The following KNDC1 variants were observed in gnomAD, a reference collection of about 807,000 sequenced individuals.
KNDC1 encodes the protein kinase non-catalytic C-lobe domain containing 1, also known as kinase non-catalytic C-lobe domain-containing protein 1.
Under a neutral mutation model 172.8 loss-of-function variants are expected in KNDC1, and 106 were observed. The ratio of observed to expected loss-of-function variants is 0.61; its 90% CI spans 0.52 to 0.72. The LOEUF (loss-of-function observed/expected upper bound fraction) is 0.72, where lower values mean the gene tolerates loss of function less well. KNDC1 is among the 30% of genes least tolerant of loss of function. The probability of loss-of-function intolerance (pLI) is 0.00; values close to 1 mark genes in which losing one functional copy is unlikely to be tolerated. For missense variants in KNDC1, 2,325 were observed against 2,394.5 expected (o/e 0.97, Z 0.61); for synonymous variants, 1,083 against 1,062.2 (o/e 1.02, Z -0.38).
chr10:133,168,318 T>G lies in KNDC1; in HGVS notation c.360+6T>G. 6.2e-7 allele frequency: 1 copy of G among 1,613,894 alleles called. No homozygotes were observed. The highest frequency in any genetic ancestry group is 8.5e-7 in the Non-Finnish European group (1 of 1,179,776). On this transcript the variant is annotated splice_donor_region_variant and intron_variant, in intron 3 of 29. Transcript: ENST00000304613. Reference sequence around the variant, plus strand: ...TGACCGGGAACACCTTTGAGGTAAGTGCAGGTGGGGGTAATGTGCCACACC... The same window carrying G: ...TGACCGGGAACACCTTTGAGGTAAGGGCAGGTGGGGGTAATGTGCCACACC...
chr10:133,183,790 A>T, intron 4 of KNDC1, 82 bp from the exon 5 acceptor site: 1 of 1,140,590 alleles, frequency 8.8e-7, no homozygotes, highest in Non-Finnish European at 1.2e-6. Flanking sequence ...TCACCTTCAA[A>T]GGATCCGGCC....
chr10:133,206,722 A>G lies in KNDC1; in HGVS notation c.3425A>G (p.Tyr1142Cys), dbSNP rs1477220377. The G allele has an allele frequency of 6.2e-7, 1 of 1,613,946 alleles. No homozygotes were observed. The highest frequency in any genetic ancestry group is 8.5e-7 in the Non-Finnish European group (1 of 1,180,034). ...EQQLMMEKRN[Y>C]RKTLKFYQKL... ...CAGCTCATGATGGAGAAAAGAAACT[A>G]CCGCAAGACCCTGAAGTTCTACCAG... Residue 1142 changes from tyrosine (Y) to cysteine (C), a missense_variant, in exon 18 of 30, where the codon TAC becomes TGC. Coordinates refer to ENST00000304613, the MANE Select transcript of KNDC1 (RefSeq NM_152643.8).
intron 26 of KNDC1, 73 bp from the exon 27 acceptor site, chr10:133,218,758 T>C (rs1350223157): frequency 6.5e-7 from 1 of 1,550,242 alleles, no homozygotes; most frequent in East Asian, 2.3e-5. Context: ...TGGGTGATTT[T>C]AACAGGTTCT....
chr10:133,183,112 C>T (rs1023571386), intron 3 of KNDC1, among the ~76,000 whole-genome samples: 24 of 144,052 alleles, frequency 1.7e-4, no homozygotes, highest in Non-Finnish European at 2.7e-4. Context: ...GCGGCAGGGG[C>T]GGCAAAAGTG....
In KNDC1 at chr10:133,188,614, G is replaced by A; in HGVS notation, c.1402G>A (p.Ala468Thr). 6.3e-7 allele frequency: 1 copy of A among 1,597,614 alleles called. No homozygotes were observed. The stretch of plus-strand genomic sequence containing the variant: ...GTACGAGCTGTGGGCCCTGTGCCTG[G>A]CCTGCCTCCGCGCACTGCAGACACG... ...REYELWALCL[A>T]CLRALQTRPE... Residue 468 changes from alanine to threonine, a missense_variant, in exon 7 of 30, where the codon GCC becomes ACC. By Grantham distance (58) the Ala-to-Thr change is moderately conservative (BLOSUM62 0). Transcript: ENST00000304613.
intron 26 of KNDC1, among the ~76,000 whole-genome samples, chr10:133,217,783 C>T (rs1445894877): frequency 1.3e-5 from 2 of 151,720 alleles, no homozygotes; most frequent in African/African-American, 4.8e-5. Flanking sequence ...ATGGTGAAAC[C>T]TCATCTCCAC....
chr10:133,189,492 G>A, intron 7 of KNDC1, 106 bp from the exon 8 acceptor site: 2 of 1,086,512 alleles, frequency 1.8e-6, no homozygotes, highest in Non-Finnish European at 2.7e-6. Context: ...CAATGGGGAG[G>A]CTGGGGGGCT....
At chr10:133,212,992 G>A (rs1845402479) in intron 24 of KNDC1, 70 bp downstream of exon 24, 2 of 1,367,590 alleles carry the variant, frequency 1.5e-6, no homozygotes, top group Admixed American at 2.1e-5. Context: ...CGCGCCCATA[G>A]GGCCCTCAGC....
chr10:133,167,333 C>T (rs1410355673), intron 1 of KNDC1, 48 bp from the exon 2 acceptor site: 3 of 1,506,940 alleles, frequency 2.0e-6, no homozygotes, highest in Non-Finnish European at 2.7e-6. Flanking sequence ...GGTGCCGGGG[C>T]CTGGCTGGGG....
intron 20 of KNDC1, among the ~76,000 whole-genome samples, chr10:133,207,666 G>A (rs1396128724): frequency 6.6e-6 from 1 of 152,236 alleles, no homozygotes; most frequent in Non-Finnish European, 1.5e-5. Context: ...CGCACAGGCA[G>A]CTCGGCGATG....
intron 17 of KNDC1, among the ~76,000 whole-genome samples, chr10:133,203,926 C>T (rs1470702900): frequency 2.0e-5 from 3 of 152,250 alleles, no homozygotes; most frequent in Non-Finnish European, 2.9e-5. Flanking sequence ...GAGGAGTCTG[C>T]GTGAGCTGCA....
chr10:133,219,141 C>G (rs763609235), intron 28 of KNDC1, 51 bp downstream of exon 28: 3 of 1,580,418 alleles, frequency 1.9e-6, no homozygotes, highest in Non-Finnish European at 2.6e-6. Context: ...AGGCCCTCTC[C>G]TAAACGAACT....
Position 133,212,750 on chromosome 10 carries a change from T to C in KNDC1, c.4271T>C (p.Leu1424Pro), listed in dbSNP as rs756569129. 5.6e-6 allele frequency: 9 copies of C among 1,613,418 alleles called. No homozygotes were observed. In the Admixed American group the frequency reaches 1.5e-4, roughly 27 times the overall value. Residue 1424 changes from leucine (L) to proline (P), a missense_variant, in exon 24 of 30, where the codon CTG becomes CCG. Coordinates refer to ENST00000304613, the MANE Select transcript of KNDC1 (RefSeq NM_152643.8). Reference sequence around the variant, plus strand: ...TGGAGGCTGCCCCGAGGCAACGGGCTGGTGCTGCCGCCACACAAGGAGCGC... The same window carrying C: ...TGGAGGCTGCCCCGAGGCAACGGGCCGGTGCTGCCGCCACACAAGGAGCGC... The part of the protein sequence containing the change: ...FPWRLPRGNG[L>P]VLPPHKERPY...
Position 133,160,510 on chromosome 10 carries a change from G to A in KNDC1, c.43G>A (p.Asp15Asn). Residue 15 changes from aspartate (D) to asparagine (N), a missense_variant, in exon 1 of 30, where the codon GAC becomes AAC. Asp to Asn is a conservative substitution (Grantham distance 23, BLOSUM62 1). Transcript: ENST00000304613. ...DPAAADLYEE[D>N]GKDLDFYDFE... ...GGCCGCGGCGGATCTTTACGAGGAG[G>A]ACGGCAAAGACCTGGACTTCTACGA... is the stretch of plus-strand genomic sequence containing the variant. 6.3e-7 allele frequency: 1 copy of A among 1,591,696 alleles called. No homozygotes were observed. Among genetic ancestry groups the A allele is most frequent in the Non-Finnish European group, 8.5e-7 (1 of 1,170,896 alleles).
chr10:133,216,727 C>T (rs1421852579), intron 26 of KNDC1, among the ~76,000 whole-genome samples: 1 of 152,226 alleles, frequency 6.6e-6, no homozygotes, highest in Admixed American at 6.5e-5. Context: ...GCTTTGGTTT[C>T]TTTAGATTTG....
At position 133,220,033 on chromosome 10, in the gene KNDC1, C is replaced by T; in HGVS notation, c.4939C>T (p.Leu1647Phe). The change falls in exon 29 of 30, where the codon CTC becomes TTC. Residue 1647 changes from leucine to phenylalanine, a missense_variant. By Grantham distance (22) the Leu-to-Phe change is conservative. Coordinates refer to ENST00000304613, the MANE Select transcript of KNDC1 (RefSeq NM_152643.8). ...RAQPTLPSAHLLAMHIQQLET... is the reference protein window; with the variant it reads ...RAQPTLPSAHFLAMHIQQLET... ...GCAGCCCACCCTGCCCTCGGCCCAC[C>T]TCCTGGCCATGCACATCCAGCAGCT... 6.4e-7 allele frequency: 1 copy of T among 1,557,408 alleles called. No homozygotes were observed.
At position 133,200,377 on chromosome 10, in the gene KNDC1, C is replaced by CGGCCG; in HGVS notation, c.2907_2911dup (p.Glu971GlyfsTer72). The CGGCCG allele has an allele frequency of 6.3e-7, 1 of 1,587,696 alleles. No individual in the cohort carries two copies. Among genetic ancestry groups the CGGCCG allele is most frequent in the Non-Finnish European group, 8.6e-7 (1 of 1,168,278 alleles). On this transcript the variant is annotated frameshift_variant, in exon 16 of 30. Coordinates refer to ENST00000304613, the MANE Select transcript of KNDC1 (RefSeq NM_152643.8). LOFTEE classifies it high-confidence loss of function. ...CTGACCTGCATTCTCGTCGTCAGCA[C>CGGCCG]GGCCGAGGAGGCTGGGTCACAGCTC...
At chr10:133,204,881 C>T (rs967414315) in intron 17 of KNDC1, among the ~76,000 whole-genome samples, 6 of 152,018 alleles carry the variant, frequency 3.9e-5, no homozygotes, top group African/African-American at 9.6e-5. Context: ...AGGGCTGCCG[C>T]GCCTCTCACC....
rs1476535934 is a variant in KNDC1 at position 133,160,400 on chromosome 10, G to A, written c.-68G>A. On this transcript the variant is annotated 5_prime_UTR_variant, in exon 1 of 30. Coordinates refer to ENST00000304613, the MANE Select transcript of KNDC1 (RefSeq NM_152643.8). ...CCGGGCGCGTCTCCATGGAGCCAGG[G>A]CGCGCGTAGCCGAGCCCAGCCCAGC... The A allele has an allele frequency of 6.4e-6, 6 of 943,132 alleles. No homozygotes were observed. The highest frequency in any genetic ancestry group is 7.4e-5 in the East Asian group (2 of 26,882). 58.4% of individuals were successfully genotyped at this position (943,132 alleles called of 1,614,324 possible).
Sources: gnomAD v4.1 joint callset for allele counts (sites outside exome capture counted in the v4.1 genomes callset) on GRCh38, gnomAD v4.1.1 for gene constraint, MANE v1.5 for transcripts, NCBI Gene and HGNC (gene_info 2026-07-23, HGNC 2026-07-21) for gene names.